The following VPS54 variants were observed in gnomAD, a reference collection of about 807,000 sequenced individuals.
VPS54 encodes VPS54 subunit of GARP complex, also known as vacuolar protein sorting-associated protein 54.
Under a neutral mutation model 121.5 loss-of-function variants are expected in VPS54, and 45 were observed. The observed-to-expected ratio is 0.37, with a 90% CI of 0.29 to 0.47. VPS54 has a LOEUF of 0.47. Ranked by LOEUF, VPS54 falls within the 20% of genes least tolerant of loss-of-function variation. The pLI, the probability that VPS54 is intolerant of heterozygous loss-of-function variation, is 0.99. For synonymous variants in VPS54, 371 were observed against 385.8 expected, an observed-to-expected ratio of 0.96 and a Z score of 0.45; for missense variants, 1,090 against 1,131.4, an observed-to-expected ratio of 0.96 and a Z score of 0.52.
chr2:63,987,141 C>T (rs1677090128), intron 1 of VPS54, among the ~76,000 whole-genome samples: 1 of 152,214 alleles, frequency 6.6e-6, no homozygotes, highest in Non-Finnish European at 1.5e-5. Context: ...GAAATCCTTG[C>T]TCACTTCAAT....
intron 5 of VPS54, among the ~76,000 whole-genome samples, chr2:63,967,288 A>G (rs1467899801): frequency 6.6e-6 from 1 of 152,222 alleles, no homozygotes; most frequent in East Asian, 1.9e-4. Flanking sequence ...CTTTGGTATT[A>G]TAACTAAAAG....
intron 1 of VPS54, among the ~76,000 whole-genome samples, chr2:64,001,585 G>A (rs771896112): frequency 6.6e-6 from 1 of 152,068 alleles, no homozygotes; most frequent in South Asian, 2.1e-4. Context: ...AGCACAGGAT[G>A]GATCCTGCCA....
chr2:64,009,263 G>T (rs1024441052), intron 1 of VPS54, among the ~76,000 whole-genome samples: 1 of 151,838 alleles, frequency 6.6e-6, no homozygotes, highest in Non-Finnish European at 1.5e-5. Flanking sequence ...ACATCTAATT[G>T]TGACAATTTT....
At chr2:63,916,590 C>G (rs889110884) in intron 16 of VPS54, among the ~76,000 whole-genome samples, 3 of 152,008 alleles carry the variant, frequency 2.0e-5, no homozygotes, top group South Asian at 2.1e-4. Flanking sequence ...ATAGAAAGAG[C>G]CTGGGATAGC....
chr2:63,957,590 A>G (rs539739532), intron 7 of VPS54, among the ~76,000 whole-genome samples: 2 of 152,310 alleles, frequency 1.3e-5, no homozygotes, highest in Admixed American at 6.5e-5. Context: ...TTATGCAATG[A>G]GTCAAAATTA....
Position 63,947,359 on chromosome 2 carries a change from T to C in VPS54, c.1245+24A>G, listed in dbSNP as rs761484631. On this transcript the variant is annotated intron_variant, in intron 9 of 22. Transcript: ENST00000272322. ...TTCACAAAGGTTCCAGACCAAAATA[T>C]GTCAAATAAAAATGCATAATTACCT... 1.7e-5 allele frequency: 26 copies of C among 1,516,488 alleles called. No individual in the cohort carries two copies. The South Asian group carries it at 2.5e-4, about 15-fold the overall frequency. The allele number at this position is 1,516,488 out of a possible 1,614,324, so 93.9% of individuals were successfully genotyped here. A position where few individuals can be genotyped will look rare whatever the true frequency, so the allele number is the denominator to read the frequency against.
At chr2:64,018,137 C>T (rs1380401229) in intron 1 of VPS54, among the ~76,000 whole-genome samples, 1 of 152,048 alleles carries the variant, frequency 6.6e-6, no homozygotes, top group African/African-American at 2.4e-5. Flanking sequence ...TTAAGACCGC[C>T]CTTGATTTGA....
At chr2:63,960,220 A>C (rs571911220) in intron 7 of VPS54, among the ~76,000 whole-genome samples, 12 of 152,264 alleles carry the variant, frequency 7.9e-5, no homozygotes, top group African/African-American at 2.9e-4. Flanking sequence ...CCTGGGCAGC[A>C]GAATAAAAAC....
chr2:64,002,568 T>C (rs1434604663), intron 1 of VPS54, among the ~76,000 whole-genome samples: 1 of 152,240 alleles, frequency 6.6e-6, no homozygotes, highest in Non-Finnish European at 1.5e-5. Context: ...TATCTTGATT[T>C]ATTCTATTTA....
chr2:63,965,578 T>C (rs1268367227), intron 6 of VPS54, among the ~76,000 whole-genome samples: 1 of 152,248 alleles, frequency 6.6e-6, no homozygotes, highest in Non-Finnish European at 1.5e-5. Flanking sequence ...AGCCTTTCAA[T>C]TAAAATTCCA....
chr2:63,934,685 C>CA (rs61270908), intron 11 of VPS54, among the ~76,000 whole-genome samples: 11,340 of 152,002 alleles, frequency 0.075, 856 homozygotes, highest in African/African-American at 0.19. Context: ...AAACAAAAAA[C>CA]AAAAAAACCC....
At chr2:63,981,531 G>A (rs1372318243) in intron 3 of VPS54, 115 bp downstream of exon 3, 55 of 1,201,364 alleles carry the variant, frequency 4.6e-5, no homozygotes, top group South Asian at 4.3e-4. Flanking sequence ...TTGTATGAAC[G>A]AAAAGAATAC....
rs747320667 is a variant in VPS54 at position 63,920,591 on chromosome 2, T to C, written c.1906A>G (p.Ile636Val). 1.9e-6 allele frequency: 3 copies of C among 1,540,192 alleles called. No individual in the cohort carries two copies. Among genetic ancestry groups the C allele is most frequent in the Middle Eastern group, 1.7e-4 (1 of 5,818 alleles). The change falls in exon 14 of 23, where the codon ATA becomes GTA. Residue 636 changes from isoleucine (I) to valine (V), a missense_variant. By Grantham distance (29) the Ile-to-Val change is conservative. Transcript: ENST00000272322. ...FLEKLNSMEF[I>V]TLSRLMETFI... is the part of the protein sequence containing the mutation. ...GTTTCCATTAATCTAGAAAGTGTTA[T>C]GAATTCCATGGAATTTAGCTTCTCA...
intron 1 of VPS54, among the ~76,000 whole-genome samples, chr2:63,998,063 TGTC>T (rs1455532921): frequency 3.3e-5 from 5 of 152,146 alleles, no homozygotes; most frequent in African/African-American, 7.2e-5. Flanking sequence ...TTATTTGAAT[TGTC>T]TTCTTTATTT....
intron 1 of VPS54, among the ~76,000 whole-genome samples, chr2:64,005,114 T>TC (rs1678070772): frequency 8.3e-6 from 1 of 120,662 alleles, no homozygotes; most frequent in Non-Finnish European, 1.7e-5. Context: ...TTTTTTTTTT[T>TC]TTTTTTTGAG....
At chr2:63,943,118 G>A (rs1246009024) in intron 10 of VPS54, among the ~76,000 whole-genome samples, 1 of 152,058 alleles carries the variant, frequency 6.6e-6, no homozygotes, top group Non-Finnish European at 1.5e-5. Context: ...AATATTATAT[G>A]AGTTAATAAA....
intron 10 of VPS54, 41 bp from the exon 11 acceptor site, chr2:63,942,602 G>A (rs1193654974): frequency 2.7e-6 from 4 of 1,482,576 alleles, no homozygotes; most frequent in Non-Finnish European, 2.7e-6. Flanking sequence ...GATTGTCTCT[G>A]GGCCAATCAA....
intron 1 of VPS54, among the ~76,000 whole-genome samples, chr2:63,999,715 A>G (rs773907584): frequency 3.3e-5 from 5 of 152,144 alleles, no homozygotes; most frequent in Non-Finnish European, 7.3e-5. Flanking sequence ...CTTTACAGAC[A>G]ATAACTCTTA....
intron 3 of VPS54, 91 bp from the exon 4 acceptor site, chr2:63,972,335 C>A (rs1676326702): frequency 1.2e-6 from 1 of 833,348 alleles, no homozygotes; most frequent in Admixed American, 2.6e-5. Context: ...TCAGAATATG[C>A]CAAATTAGTC....
Sources: gnomAD v4.1 joint callset for allele counts (sites outside exome capture counted in the v4.1 genomes callset) on GRCh38, gnomAD v4.1.1 for gene constraint, MANE v1.5 for transcripts, NCBI Gene and HGNC (gene_info 2026-07-23, HGNC 2026-07-21) for gene names.